KCNH5: variants seen among roughly 807,000 people sequenced by gnomAD.
The protein encoded by KCNH5 is potassium voltage-gated channel subfamily H member 5, also known as voltage-gated delayed rectifier potassium channel KCNH5.
Under a neutral mutation model 96.1 loss-of-function variants are expected in KCNH5, and 46 were observed. The ratio of observed to expected loss-of-function variants is 0.48; its 90% CI spans 0.38 to 0.61. The LOEUF (loss-of-function observed/expected upper bound fraction) is 0.61, where lower values mean the gene tolerates loss of function less well. KCNH5 is among the 20% of genes least tolerant of loss of function. KCNH5 has a pLI of 0.00. For missense variants in KCNH5, 907 were observed against 1,225.8 expected (o/e 0.74, Z 3.88); for synonymous variants, 439 against 449.8 (o/e 0.98, Z 0.30).
chr14:62,785,226 C>G lies in KCNH5; in HGVS notation c.1823-5302G>C, dbSNP rs879914956. 7.5e-3 allele frequency among the ~76,000 whole-genome samples: 1,145 copies of G among 152,236 alleles called. 13 individuals carry two copies. The highest frequency in any genetic ancestry group is 0.027 in the Middle Eastern group (8 of 294). On this transcript the variant is annotated intron_variant, in intron 9 of 10. Transcript: ENST00000322893. ...CTTTTAAAAAAATTAATTAATTTAC[C>G]AGCCAAAGTAAAGTTGGTTAATGTC...
chr14:62,777,812 T>C (rs185642998), intron 10 of KCNH5, among the ~76,000 whole-genome samples: 1 of 152,208 alleles, frequency 6.6e-6, no homozygotes, highest in African/African-American at 2.4e-5. Flanking sequence ...TCCACACCAG[T>C]GTGCACTCAG....
In KCNH5 at chr14:62,720,359, G is replaced by A. The variant is rs149189039; in HGVS notation, c.2020-11904C>T. 4.7e-3 allele frequency among the ~76,000 whole-genome samples: 722 copies of A among 152,244 alleles called. 7 individuals carry two copies. The highest frequency in any genetic ancestry group is 9.1e-3 in the South Asian group (44 of 4,828). ...CTCACTTCCACTCACACATTGAAAG[G>A]TTGGAAGGATAGAAGAAGAGATACT... On this transcript the variant is annotated intron_variant, in intron 10 of 10. Coordinates refer to ENST00000322893, the MANE Select transcript of KCNH5 (RefSeq NM_139318.5).
chr14:62,988,766 A>G (rs1332877978), intron 4 of KCNH5, among the ~76,000 whole-genome samples: 1 of 152,110 alleles, frequency 6.6e-6, no homozygotes, highest in Non-Finnish European at 1.5e-5. Context: ...ACCAACATGC[A>G]ATCTCTATGA....
intron 2 of KCNH5, among the ~76,000 whole-genome samples, chr14:63,012,061 T>C (rs1326274228): frequency 6.6e-6 from 1 of 152,158 alleles, no homozygotes; most frequent in Admixed American, 6.6e-5. Flanking sequence ...CAGAATAGGC[T>C]CTTAAAAGTT....
At chr14:62,794,861 T>G (rs956382707) in intron 9 of KCNH5, among the ~76,000 whole-genome samples, 1 of 152,152 alleles carries the variant, frequency 6.6e-6, no homozygotes, top group Non-Finnish European at 1.5e-5. Flanking sequence ...TCATTCATTC[T>G]AGTTGATGAC....
At chr14:62,752,418 C>A (rs1425866042) in intron 10 of KCNH5, among the ~76,000 whole-genome samples, 2 of 152,022 alleles carry the variant, frequency 1.3e-5, no homozygotes, top group African/African-American at 4.8e-5. Context: ...TCCCAGATTG[C>A]AGGCTTTGGT....
At chr14:62,754,996 CA>C (rs1487982888) in intron 10 of KCNH5, among the ~76,000 whole-genome samples, 1 of 150,520 alleles carries the variant, frequency 6.6e-6, no homozygotes, top group Non-Finnish European at 1.5e-5. Context: ...GTGCCTACAT[CA>C]AAAAAGAAGG....
chr14:62,752,641 C>T (rs1029311449), intron 10 of KCNH5, among the ~76,000 whole-genome samples: 2 of 152,076 alleles, frequency 1.3e-5, no homozygotes, highest in Non-Finnish European at 2.9e-5. Flanking sequence ...TGTGTCCCCA[C>T]CCAAATCTTA....
rs67691300 is a variant in KCNH5 at position 62,799,726 on chromosome 14, T to TACAC, written c.1822+2599_1822+2602dup. Among the ~76,000 whole-genome samples, 330 of 68,584 alleles carry TACAC rather than the reference T, an allele frequency of 4.8e-3. 7 individuals carry two copies. Among genetic ancestry groups the TACAC allele is most frequent in the African/African-American group, 8.6e-3 (173 of 20,158 alleles). 45.0% of individuals were successfully genotyped at this position (68,584 alleles called of 152,430 possible). A position where few individuals can be genotyped will look rare whatever the true frequency, so the allele number is the denominator to read the frequency against. On this transcript the variant is annotated intron_variant, in intron 9 of 10. Transcript: ENST00000322893. ...ATATATATATATATATATATATATA[T>TACAC]ACACACACACACACACACATATCAG...
chr14:62,801,561 A>AT (rs1363255602), intron 9 of KCNH5, among the ~76,000 whole-genome samples: 5 of 139,590 alleles, frequency 3.6e-5, no homozygotes, highest in Non-Finnish European at 6.1e-5. Context: ...AACATGCAAC[A>AT]TTTTTTATTT....
At chr14:62,916,304 A>C (rs1889274818) in intron 7 of KCNH5, among the ~76,000 whole-genome samples, 1 of 152,178 alleles carries the variant, frequency 6.6e-6, no homozygotes, top group Non-Finnish European at 1.5e-5. Flanking sequence ...AACCACAACC[A>C]TACCCCAAAT....
rs112201365 is a variant in KCNH5 at position 62,803,745 on chromosome 14, G to A, written c.1570-1164C>T. On this transcript the variant is annotated intron_variant, in intron 8 of 10. Transcript: ENST00000322893. ...TATCATCATATTTAATCAGAACATC[G>A]TGGAGCAAGATGTGATTGCGGAAGT... Among the ~76,000 whole-genome samples, 575 of 152,214 alleles carry A rather than the reference G, an allele frequency of 3.8e-3. 3 individuals are homozygous for A. Among genetic ancestry groups the A allele is most frequent in the African/African-American group, 0.013 (545 of 41,534 alleles).
intron 5 of KCNH5, among the ~76,000 whole-genome samples, chr14:62,983,658 C>T (rs1376473057): frequency 6.6e-6 from 1 of 152,110 alleles, no homozygotes. Flanking sequence ...TGGCATCACC[C>T]TGAGTTCAGA....
intron 10 of KCNH5, among the ~76,000 whole-genome samples, chr14:62,720,348 C>A (rs1884780360): frequency 6.6e-6 from 1 of 152,052 alleles, no homozygotes; most frequent in Non-Finnish European, 1.5e-5. Flanking sequence ...CTTCCACTCA[C>A]ACATTGAAAG....
intron 8 of KCNH5, among the ~76,000 whole-genome samples, chr14:62,815,115 G>T (rs1258049966): frequency 6.6e-6 from 1 of 152,124 alleles, no homozygotes; most frequent in Non-Finnish European, 1.5e-5. Context: ...AATGAAAGAA[G>T]TAACAACTAT....
At chr14:62,734,529 G>A (rs985697718) in intron 10 of KCNH5, among the ~76,000 whole-genome samples, 4 of 151,984 alleles carry the variant, frequency 2.6e-5, no homozygotes, top group Admixed American at 1.3e-4. Context: ...AGTGTTTCAG[G>A]GAAAGCACCA....
At chr14:62,740,612 T>C (rs1885252462) in intron 10 of KCNH5, among the ~76,000 whole-genome samples, 1 of 152,194 alleles carries the variant, frequency 6.6e-6, no homozygotes, top group Admixed American at 6.6e-5. Context: ...TCCCTATATT[T>C]CAACCTCATT....
intron 7 of KCNH5, among the ~76,000 whole-genome samples, chr14:62,939,520 A>G (rs572134647): frequency 6.6e-5 from 10 of 152,310 alleles, no homozygotes; most frequent in African/African-American, 2.4e-4. Context: ...CCTTTTTCCT[A>G]TTTTAGAAAA....
intron 8 of KCNH5, among the ~76,000 whole-genome samples, chr14:62,814,782 CAAAAAAAAAAAAAAAAA>C (rs71120235): frequency 5.9e-5 from 2 of 33,758 alleles, no homozygotes; most frequent in East Asian, 1.2e-3. Flanking sequence ...GACTCCATCT[CAAAAAAAAAAAAAAAAA>C]AAAAAAAAAA....
Sources: allele counts gnomAD v4.1 joint callset (sites outside exome capture counted in the v4.1 genomes callset), GRCh38; gene constraint gnomAD v4.1.1; transcripts MANE v1.5; gene names NCBI Gene and HGNC (gene_info 2026-07-23, HGNC 2026-07-21).